TRPM3: variants seen among roughly 807,000 people sequenced by gnomAD.
TRPM3 encodes the protein long transient receptor potential channel 3.
In TRPM3, 77 loss-of-function variants were observed where a neutral mutation model predicts 181.2. That is an observed-to-expected ratio of 0.42 (90% CI 0.35 to 0.51). The LOEUF (loss-of-function observed/expected upper bound fraction) is 0.51, where lower values mean the gene tolerates loss of function less well. Ranked by LOEUF, TRPM3 falls within the 20% of genes least tolerant of loss-of-function variation. The probability of loss-of-function intolerance (pLI) is 0.01; values close to 1 mark genes in which losing one functional copy is unlikely to be tolerated. For missense variants in TRPM3, 1,759 were observed against 2,196.7 expected (o/e 0.80, Z 3.98); for synonymous variants, 745 against 796.4 (o/e 0.94, Z 1.09).
chr9:70,682,377 C>T (rs2065684481), intron 8 of TRPM3, among the ~76,000 whole-genome samples: 1 of 152,060 alleles, frequency 6.6e-6, no homozygotes, highest in Non-Finnish European at 1.5e-5. Flanking sequence ...ATTAATACAA[C>T]TAAGCAATCC....
intron 1 of TRPM3, among the ~76,000 whole-genome samples, chr9:71,377,542 C>T (rs868022631): frequency 6.6e-6 from 1 of 152,062 alleles, no homozygotes; most frequent in Admixed American, 6.6e-5. Flanking sequence ...ACCATGCCCA[C>T]CTCTCTCATC....
At chr9:70,568,118 G>A (rs1222297458) in intron 22 of TRPM3, among the ~76,000 whole-genome samples, 5 of 152,196 alleles carry the variant, frequency 3.3e-5, no homozygotes, top group Non-Finnish European at 7.3e-5. Flanking sequence ...TGTGTAAGAT[G>A]CAATTCTACT....
At chr9:71,265,532 C>A (rs186892097) in intron 1 of TRPM3, among the ~76,000 whole-genome samples, 1 of 152,282 alleles carries the variant, frequency 6.6e-6, no homozygotes, top group East Asian at 1.9e-4. Flanking sequence ...TCAAGTCAAC[C>A]AAATTAATAG....
At chr9:70,624,673 C>G (rs75965665) in intron 14 of TRPM3, among the ~76,000 whole-genome samples, 2 of 152,046 alleles carry the variant, frequency 1.3e-5, no homozygotes, top group Non-Finnish European at 2.9e-5. Flanking sequence ...TATACTTTAA[C>G]CAGAATATCC....
intron 1 of TRPM3, among the ~76,000 whole-genome samples, chr9:70,958,155 C>T (rs972127312): frequency 1.2e-4 from 19 of 152,064 alleles, no homozygotes; most frequent in African/African-American, 4.6e-4. Flanking sequence ...TATCAGCAAC[C>T]CCAGGGCAGT....
chr9:71,428,148 A>G (rs1303631053), intron 1 of TRPM3, among the ~76,000 whole-genome samples: 1 of 151,718 alleles, frequency 6.6e-6, no homozygotes, highest in Admixed American at 6.6e-5. Flanking sequence ...CTGCAGTGCA[A>G]TGGTGCAATC....
intron 1 of TRPM3, among the ~76,000 whole-genome samples, chr9:70,921,454 A>G (rs1240750459): frequency 2.6e-5 from 4 of 152,232 alleles, no homozygotes; most frequent in Non-Finnish European, 5.9e-5. Context: ...TAGTGCTATT[A>G]GCATTAGCCA....
intron 16 of TRPM3, 41 bp downstream of exon 16, chr9:70,620,035 T>C (rs2133195065): frequency 1.3e-6 from 2 of 1,562,562 alleles, no homozygotes; most frequent in African/African-American, 1.4e-5. Context: ...CCACCTTTCC[T>C]CCTCTCCCCC....
intron 1 of TRPM3, among the ~76,000 whole-genome samples, chr9:71,249,334 G>C (rs1359560360): frequency 3.9e-5 from 6 of 152,070 alleles, no homozygotes; most frequent in Non-Finnish European, 7.4e-5. Flanking sequence ...CTCTACATTG[G>C]AGCTTTGATG....
At chr9:71,227,108 C>CAAAAA (rs368727383) in intron 1 of TRPM3, among the ~76,000 whole-genome samples, 6 of 40,108 alleles carry the variant, frequency 1.5e-4, no homozygotes, top group Non-Finnish European at 2.5e-4. Flanking sequence ...TACTTCATCT[C>CAAAAA]AAAAAAAAAA....
At chr9:70,917,520 C>A (rs375883548) in intron 1 of TRPM3, 2 of 668,624 alleles carry the variant, frequency 3.0e-6, no homozygotes, top group South Asian at 1.6e-5. Context: ...ATAACTGGGG[C>A]GGGCACGCAG....
chr9:71,294,501 C>T (rs536978033), intron 1 of TRPM3, among the ~76,000 whole-genome samples: 1 of 152,150 alleles, frequency 6.6e-6, no homozygotes, highest in Non-Finnish European at 1.5e-5. Context: ...TATAAAGCTC[C>T]ATGAATTTTT....
At chr9:71,045,580 T>C (rs748962560) in intron 1 of TRPM3, among the ~76,000 whole-genome samples, 7 of 152,182 alleles carry the variant, frequency 4.6e-5, no homozygotes, top group Non-Finnish European at 1.0e-4. Flanking sequence ...ATGGGTCTCA[T>C]TAAAGAAGCA....
intron 8 of TRPM3, among the ~76,000 whole-genome samples, chr9:70,687,157 T>C (rs1055847201): frequency 6.6e-6 from 1 of 152,166 alleles, no homozygotes; most frequent in Non-Finnish European, 1.5e-5. Flanking sequence ...TCTTGTCTCA[T>C]AATGTGGTAT....
chr9:70,990,085 T>C (rs940757889), intron 1 of TRPM3, among the ~76,000 whole-genome samples: 4 of 152,150 alleles, frequency 2.6e-5, no homozygotes, highest in African/African-American at 9.7e-5. Context: ...CCAAATCACA[T>C]AGCTAATAAG....
chr9:71,102,324 G>A (rs923530351), intron 1 of TRPM3, among the ~76,000 whole-genome samples: 7 of 152,144 alleles, frequency 4.6e-5, no homozygotes, highest in African/African-American at 1.7e-4. Flanking sequence ...CTAGTTCCTA[G>A]TCCAGACTTT....
intron 1 of TRPM3, among the ~76,000 whole-genome samples, chr9:71,205,412 T>C (rs560376079): frequency 6.6e-6 from 1 of 152,294 alleles, no homozygotes; most frequent in East Asian, 1.9e-4. Context: ...GTTTGAGTTT[T>C]AAGAGTGCCA....
chr9:70,979,864 C>CT (rs1428392943), intron 1 of TRPM3, among the ~76,000 whole-genome samples: 1 of 152,070 alleles, frequency 6.6e-6, no homozygotes, highest in African/African-American at 2.4e-5. Context: ...ACTGTGTCCT[C>CT]ACTTGGTGGG....
chr9:71,040,692 A>G (rs2058718566), intron 1 of TRPM3, among the ~76,000 whole-genome samples: 2 of 152,226 alleles, frequency 1.3e-5, no homozygotes, highest in Admixed American at 1.3e-4. Flanking sequence ...AGACAAATCT[A>G]GCAAGCATCA....
Sources: allele counts gnomAD v4.1 joint callset (sites outside exome capture counted in the v4.1 genomes callset), GRCh38; gene constraint gnomAD v4.1.1; transcripts MANE v1.5; gene names NCBI Gene and HGNC (gene_info 2026-07-23, HGNC 2026-07-21).